Variants in OGDH observed in about 807,000 individuals in gnomAD.
The protein encoded by OGDH is 2-oxoglutarate dehydrogenase complex component E1.
Under a neutral mutation model 116.6 loss-of-function variants are expected in OGDH, and 38 were observed. The ratio of observed to expected loss-of-function variants is 0.33; its 90% CI spans 0.25 to 0.43. OGDH has a LOEUF of 0.43. OGDH is among the 20% of genes least tolerant of loss of function. The pLI, the probability that OGDH is intolerant of heterozygous loss-of-function variation, is 1.00. For missense variants in OGDH, 825 were observed against 1,357.2 expected (o/e 0.61, Z 6.16); for synonymous variants, 488 against 533.3 (o/e 0.92, Z 1.17).
intron 2 of OGDH, among the ~76,000 whole-genome samples, chr7:44,624,767 C>A (rs1270006669): frequency 1.3e-5 from 2 of 152,158 alleles, no homozygotes; most frequent in African/African-American, 4.8e-5. Context: ...GCAGTAGACA[C>A]TGTGCTTAAC....
chr7:44,678,630 C>T (rs1035700103), intron 9 of OGDH, among the ~76,000 whole-genome samples: 1 of 152,156 alleles, frequency 6.6e-6, no homozygotes, highest in African/African-American at 2.4e-5. Context: ...CACAAGTTTG[C>T]CCTTGCCCCA....
chr7:44,660,499 ATAT>A (rs1246079350), intron 4 of OGDH, among the ~76,000 whole-genome samples: 1 of 152,064 alleles, frequency 6.6e-6, no homozygotes, highest in Non-Finnish European at 1.5e-5. Flanking sequence ...AATGCACCCT[ATAT>A]GATTTGAATT....
chr7:44,674,674 C>T, intron 7 of OGDH, 117 bp downstream of exon 7: 1 of 1,057,428 alleles, frequency 9.5e-7, no homozygotes, highest in Non-Finnish European at 1.4e-6. Context: ...AGTTGTGAGT[C>T]TGGGCTCATC....
chr7:44,616,653 A>ATATATATACGTATATACG lies in OGDH; in HGVS notation c.-27-7654_-27-7637dup, dbSNP rs1282467888. Among the ~76,000 whole-genome samples the ATATATATACGTATATACG allele has an allele frequency of 2.7e-5, 4 of 148,624 alleles. No homozygotes were observed. The Admixed American group carries it at 2.7e-4, about 10-fold the overall frequency. On this transcript the variant is annotated intron_variant, in intron 1 of 22. Transcript: ENST00000222673. ...TACACATGTTTATGTATATATACAC[A>ATATATATACGTATATACG]TATATATACGTATATACGTATATAT...
At chr7:44,664,845 C>T (rs1787110824) in intron 4 of OGDH, among the ~76,000 whole-genome samples, 1 of 152,096 alleles carries the variant, frequency 6.6e-6, no homozygotes, top group Admixed American at 6.5e-5. Flanking sequence ...AGCAGTATAG[C>T]CCAAGAACTA....
intron 20 of OGDH, among the ~76,000 whole-genome samples, chr7:44,703,258 A>C (rs1293270802): frequency 6.6e-6 from 1 of 152,084 alleles, no homozygotes; most frequent in Non-Finnish European, 1.5e-5. Context: ...TCTATTAAAA[A>C]TACAAAAATT....
intron 4 of OGDH, among the ~76,000 whole-genome samples, chr7:44,661,513 T>A (rs1786941043): frequency 6.6e-6 from 1 of 152,178 alleles, no homozygotes; most frequent in East Asian, 1.9e-4. Context: ...TTTGTTCTGC[T>A]TTTCATTGCT....
chr7:44,698,287 C>A, intron 18 of OGDH, 24 bp downstream of exon 18: 1 of 1,611,778 alleles, frequency 6.2e-7, no homozygotes, highest in Non-Finnish European at 8.5e-7. Flanking sequence ...GCCCTGTCAG[C>A]CCAGCCATTC....
chr7:44,641,148 G>A (rs187454869), intron 2 of OGDH, among the ~76,000 whole-genome samples: 27 of 146,522 alleles, frequency 1.8e-4, no homozygotes, highest in Middle Eastern at 7.5e-3. Flanking sequence ...TGATCCGCCC[G>A]CTTCAGCCTC....
At chr7:44,668,830 G>A (rs140868536) in intron 5 of OGDH, among the ~76,000 whole-genome samples, 116 of 152,246 alleles carry the variant, frequency 7.6e-4, no homozygotes, top group African/African-American at 2.7e-3. Flanking sequence ...TTGATACATC[G>A]GGTCAAATAA....
chr7:44,647,246 T>C (rs1370144672), intron 3 of OGDH, among the ~76,000 whole-genome samples: 1 of 152,272 alleles, frequency 6.6e-6, no homozygotes, highest in East Asian at 1.9e-4. Context: ...AGTTTATCTC[T>C]TTTTTATAAA....
chr7:44,664,986 G>A (rs1020603297), intron 4 of OGDH, among the ~76,000 whole-genome samples: 1 of 152,194 alleles, frequency 6.6e-6, no homozygotes, highest in African/African-American at 2.4e-5. Flanking sequence ...GGCATACACT[G>A]GACCGATATA....
At chr7:44,677,320 C>T (rs894503265) in intron 9 of OGDH, among the ~76,000 whole-genome samples, 5 of 152,022 alleles carry the variant, frequency 3.3e-5, no homozygotes, top group East Asian at 1.9e-4. Context: ...TGGAGTTAGC[C>T]GTGAAGAGCT....
intron 9 of OGDH, among the ~76,000 whole-genome samples, chr7:44,677,479 G>A (rs975726133): frequency 6.6e-6 from 1 of 152,112 alleles, no homozygotes; most frequent in Non-Finnish European, 1.5e-5. Context: ...GGAGATGAAA[G>A]GTAAGAGCAA....
At chr7:44,606,965 G>A (rs1784376972) in intron 1 of OGDH, among the ~76,000 whole-genome samples, 1 of 152,144 alleles carries the variant, frequency 6.6e-6, no homozygotes, top group African/African-American at 2.4e-5. Context: ...CGAGCGGGGG[G>A]CGGGCGCGGC....
rs1272082180 is a variant in OGDH at position 44,707,429 on chromosome 7, G to A, written c.2796+41G>A. 5.6e-6 allele frequency: 9 copies of A among 1,611,134 alleles called. No individual in the cohort carries two copies. The Admixed American group carries it at 1.2e-4, about 21-fold the overall frequency. On this transcript the variant is annotated intron_variant, in intron 21 of 22. Coordinates refer to ENST00000222673, the MANE Select transcript of OGDH (RefSeq NM_002541.4). This position sits in a 1 kb window ranked among gnomAD's most constrained non-coding sequence, Gnocchi z 5.2. The stretch of plus-strand genomic sequence containing the variant: ...GCCATCAGGGTGTCCCCCCAGCGGG[G>A]GTCAGGGCTCTGGTGCCTTCACAGA...
rs1789167723 is a variant in OGDH, at chr7:44,708,095, C to T, written c.*96C>T. ...AATAGTGCCTCAGCGCTGCCCACAC[C>T]ACCGCCCTCCTCGCTGTGCCACCAC... On this transcript the variant is annotated 3_prime_UTR_variant, in exon 23 of 23. Transcript: ENST00000222673. 2.0e-6 allele frequency: 3 copies of T among 1,475,678 alleles called. No homozygotes were observed. The highest frequency in any genetic ancestry group is 2.7e-6 in the Non-Finnish European group (3 of 1,098,354). 91.4% of individuals were successfully genotyped at this position (1,475,678 alleles called of 1,614,324 possible).
Position 44,645,336 on chromosome 7 carries a change from AT to A in OGDH, c.240del (p.Arg81AlafsTer19), listed in dbSNP as rs777887578. On this transcript the variant is annotated frameshift_variant, in exon 3 of 23. Transcript: ENST00000222673. LOFTEE classifies it high-confidence loss of function. ...CCTTCTTTGTCTTTAGTCATGGGACATTTTTTTTCGCAACACGAATGCCGGA... is the reference window on the plus strand; with the variant it reads ...CCTTCTTTGTCTTTAGTCATGGGACATTTTTTTCGCAACACGAATGCCGGA... ...NPKSVHKSWD[I>X]FFRNTNAGAP... The A allele has an allele frequency of 2.5e-6, 4 of 1,612,548 alleles. No individual in the cohort carries two copies. The highest frequency in any genetic ancestry group is 1.7e-4 in the Middle Eastern group (1 of 6,056).
In OGDH at chr7:44,645,431, T is replaced by C. The variant is rs755424022; in HGVS notation, c.327T>C (p.His109=). 29 of 1,614,086 alleles carry C rather than the reference T, an allele frequency of 1.8e-5. No homozygotes were observed. In the African/African-American group the frequency reaches 2.4e-4, roughly 13 times the overall value. ...LSRGSLAAVA[H]AQSLVEAQPN... ...GAGGCTCCCTGGCTGCTGTGGCCCA[T>C]GCACAGTCCCTGGTAGAAGCACAGC... Residue 109 remains histidine (H), a synonymous_variant, in exon 3 of 23, where the codon CAT becomes CAC. Coordinates refer to ENST00000222673, the MANE Select transcript of OGDH (RefSeq NM_002541.4).
Sources: allele counts gnomAD v4.1 joint callset (sites outside exome capture counted in the v4.1 genomes callset), GRCh38; gene constraint gnomAD v4.1.1; non-coding constraint Gnocchi (gnomAD v3.1); transcripts MANE v1.5; gene names NCBI Gene and HGNC (gene_info 2026-07-23, HGNC 2026-07-21).